The following ZSWIM5 variants were observed in gnomAD, a reference collection of about 807,000 sequenced individuals.
ZSWIM5 encodes zinc finger SWIM domain-containing protein 5.
Under a neutral mutation model 119.6 loss-of-function variants are expected in ZSWIM5, and 55 were observed. The observed-to-expected ratio is 0.46, with a 90% CI of 0.37 to 0.58. ZSWIM5 has a LOEUF of 0.58. ZSWIM5 is among the 20% of genes least tolerant of loss of function. The pLI is 0.00. For missense variants in ZSWIM5, 1,193 were observed against 1,512.8 expected (o/e 0.79, Z 3.51); for synonymous variants, 537 against 606.9 (o/e 0.88, Z 1.69).
intron 1 of ZSWIM5, among the ~76,000 whole-genome samples, chr1:45,193,958 A>G (rs1436604145): frequency 6.6e-6 from 1 of 151,942 alleles, no homozygotes; most frequent in African/African-American, 2.4e-5. Context: ...ATATATATAC[A>G]TACATGCACA....
intron 4 of ZSWIM5, among the ~76,000 whole-genome samples, chr1:45,052,128 C>T (rs753727086): frequency 6.6e-5 from 10 of 151,572 alleles, no homozygotes; most frequent in South Asian, 2.1e-4. Context: ...TCAGCGCCCC[C>T]CCTCGCACCC....
intron 1 of ZSWIM5, among the ~76,000 whole-genome samples, chr1:45,106,258 C>T (rs1645476702): frequency 1.4e-5 from 2 of 145,884 alleles, no homozygotes; most frequent in African/African-American, 2.6e-5. Flanking sequence ...GTGAGGAGCA[C>T]CTCTGCCCCG....
In ZSWIM5 at chr1:45,061,532, G is replaced by A. The variant is rs1315983874; in HGVS notation, c.953-1285C>T. ...ATTTCAGGCATGTGCCACCATGCCT[G>A]GCTAATTTTTGTATTTTTGGCAGAG... On this transcript the variant is annotated intron_variant, in intron 2 of 13. Transcript: ENST00000359600. 4.0e-5 allele frequency among the ~76,000 whole-genome samples: 6 copies of A among 151,734 alleles called. No homozygotes were observed. In the East Asian group the frequency reaches 1.2e-3, roughly 30 times the overall value.
intron 1 of ZSWIM5, among the ~76,000 whole-genome samples, chr1:45,205,361 C>A (rs1275750407): frequency 1.3e-5 from 2 of 152,128 alleles, no homozygotes; most frequent in African/African-American, 2.4e-5. Context: ...ACAGTCTGTC[C>A]CTCAAACGCT....
chr1:45,019,381 C>T lies in ZSWIM5; in HGVS notation c.2696-65G>A. On this transcript the variant is annotated intron_variant, in intron 13 of 13. Coordinates refer to ENST00000359600, the MANE Select transcript of ZSWIM5 (RefSeq NM_020883.2). This position sits in a 1 kb window ranked among gnomAD's most constrained non-coding sequence, Gnocchi z 5.0. ...TCCTGATTCAGGTCTACCCAGATTA[C>T]CATTTGGGGTTTGAACTTGGCCTGC... 6.5e-7 allele frequency: 1 copy of T among 1,539,308 alleles called. No homozygotes were observed. Among genetic ancestry groups the T allele is most frequent in the South Asian group, 1.2e-5 (1 of 81,192 alleles).
intron 7 of ZSWIM5, 27 bp downstream of exon 7, chr1:45,040,365 G>GTAA (rs1645011732): frequency 1.3e-6 from 2 of 1,579,616 alleles, no homozygotes; most frequent in Non-Finnish European, 1.7e-6. Context: ...GGGCCTAAGG[G>GTAA]GGTTAGATGG....
chr1:45,062,550 G>C (rs148299654), intron 2 of ZSWIM5, among the ~76,000 whole-genome samples: 1 of 152,244 alleles, frequency 6.6e-6, no homozygotes, highest in East Asian at 1.9e-4. Flanking sequence ...GCCCAGGCTG[G>C]AGTGTAGTGG....
intron 11 of ZSWIM5, among the ~76,000 whole-genome samples, chr1:45,023,518 A>G (rs1391068181): frequency 6.2e-5 from 5 of 80,026 alleles, no homozygotes; most frequent in African/African-American, 1.8e-4. Flanking sequence ...TTTTTTTTTG[A>G]GTGTGTGTGG....
At chr1:45,054,218 A>G (rs1645107786) in intron 4 of ZSWIM5, among the ~76,000 whole-genome samples, 1 of 151,860 alleles carries the variant, frequency 6.6e-6, no homozygotes, top group Non-Finnish European at 1.5e-5. Context: ...TTTGAGTTGC[A>G]GTGAGTTATG....
intron 2 of ZSWIM5, among the ~76,000 whole-genome samples, chr1:45,077,749 C>G (rs1645264198): frequency 6.6e-6 from 1 of 152,140 alleles, no homozygotes; most frequent in South Asian, 2.1e-4. Context: ...CAGGTACGCC[C>G]CGGGGGGGCC....
chr1:45,192,434 T>C (rs568651746), intron 1 of ZSWIM5, among the ~76,000 whole-genome samples: 6 of 152,324 alleles, frequency 3.9e-5, no homozygotes, highest in African/African-American at 1.2e-4. Context: ...CATTCATCCA[T>C]GTTGTAGCAT....
Position 45,019,369 on chromosome 1 carries a change from C to A in ZSWIM5, c.2696-53G>T. ...TGGCCATCTGGGTCCTGATTCAGGT[C>A]TACCCAGATTACCATTTGGGGTTTG... On this transcript the variant is annotated intron_variant, in intron 13 of 13. Coordinates refer to ENST00000359600, the MANE Select transcript of ZSWIM5 (RefSeq NM_020883.2). This position sits in a 1 kb window ranked among gnomAD's most constrained non-coding sequence, Gnocchi z 5.0. 1 of 1,562,596 alleles carries A rather than the reference C, an allele frequency of 6.4e-7. No homozygotes were observed. Among genetic ancestry groups the A allele is most frequent in the South Asian group, 1.2e-5 (1 of 84,296 alleles).
At chr1:45,201,306 G>A (rs1324335208) in intron 1 of ZSWIM5, among the ~76,000 whole-genome samples, 1 of 152,120 alleles carries the variant, frequency 6.6e-6, no homozygotes, top group East Asian at 1.9e-4. Flanking sequence ...AATCCAGTTT[G>A]TGATACTTTG....
In ZSWIM5 at chr1:45,060,686, G is replaced by T. The variant is rs557167276; in HGVS notation, c.953-439C>A. ...TGAACATGAAAAGTTCTTTTTGTTT[G>T]TTTGAGACAGGGTCTCACTCTGTCA... is the stretch of plus-strand genomic sequence containing the variant. On this transcript the variant is annotated intron_variant, in intron 2 of 13. Coordinates refer to ENST00000359600, the MANE Select transcript of ZSWIM5 (RefSeq NM_020883.2). Among the ~76,000 whole-genome samples the T allele has an allele frequency of 2.0e-5, 3 of 152,124 alleles. No individual in the cohort carries two copies. The East Asian group carries it at 5.8e-4, about 29-fold the overall frequency.
At chr1:45,047,822 T>G (rs1645064545) in intron 5 of ZSWIM5, among the ~76,000 whole-genome samples, 1 of 152,140 alleles carries the variant, frequency 6.6e-6, no homozygotes, top group Admixed American at 6.5e-5. Flanking sequence ...TGATTGCTTC[T>G]TTATTTTTAG....
intron 1 of ZSWIM5, among the ~76,000 whole-genome samples, chr1:45,168,643 C>T (rs1196125436): frequency 5.6e-5 from 7 of 125,318 alleles, no homozygotes; most frequent in African/African-American, 1.6e-4. Context: ...CCAGCCTGGG[C>T]GACAGAGTGA....
intron 1 of ZSWIM5, among the ~76,000 whole-genome samples, chr1:45,194,605 C>A (rs892307287): frequency 1.3e-5 from 2 of 152,030 alleles, no homozygotes; most frequent in African/African-American, 4.8e-5. Context: ...TGGCCAGGCG[C>A]GGTGGCTCAC....
chr1:45,055,149 C>G (rs1570035042), intron 4 of ZSWIM5, among the ~76,000 whole-genome samples: 1 of 152,314 alleles, frequency 6.6e-6, no homozygotes, highest in East Asian at 1.9e-4. Context: ...CACCACCATG[C>G]CTGGCTAATT....
intron 5 of ZSWIM5, among the ~76,000 whole-genome samples, chr1:45,050,200 C>T (rs1228765486): frequency 2.6e-5 from 4 of 151,902 alleles, no homozygotes; most frequent in Non-Finnish European, 5.9e-5. Context: ...ACTAAAAATA[C>T]AAAAATTAGC....
Sources: gnomAD v4.1 joint callset for allele counts (sites outside exome capture counted in the v4.1 genomes callset) on GRCh38, gnomAD v4.1.1 for gene constraint, Gnocchi (gnomAD v3.1) non-coding constraint, MANE v1.5 for transcripts, NCBI Gene and HGNC (gene_info 2026-07-23, HGNC 2026-07-21) for gene names.